The following MDGA2 variants were observed in gnomAD, a reference collection of about 807,000 sequenced individuals.
MDGA2 encodes MAM domain-containing glycosylphosphatidylinositol anchor protein 2.
MDGA2 carries 40 observed loss-of-function variants against 117.8 expected under a neutral mutation model. The observed-to-expected ratio is 0.34, with a 90% CI of 0.26 to 0.44. The LOEUF (loss-of-function observed/expected upper bound fraction) is 0.44, where lower values mean the gene tolerates loss of function less well. MDGA2 is among the 20% of genes least tolerant of loss of function. The pLI is 1.00. For synonymous variants in MDGA2, 452 were observed against 439.0 expected (o/e 1.03, Z -0.37); for missense variants, 1,123 against 1,250.6 (o/e 0.90, Z 1.54).
chr14:47,067,294 G>C (rs1424387312), intron 6 of MDGA2, among the ~76,000 whole-genome samples: 1 of 152,210 alleles, frequency 6.6e-6, no homozygotes, highest in Non-Finnish European at 1.5e-5. Context: ...CTGAGGACTA[G>C]CATCCCAGAG....
At chr14:47,473,018 G>T (rs1037759819) in intron 1 of MDGA2, among the ~76,000 whole-genome samples, 6 of 152,138 alleles carry the variant, frequency 3.9e-5, no homozygotes, top group African/African-American at 1.4e-4. Flanking sequence ...TTGGGGAAAT[G>T]CGAGTAGAAG....
intron 9 of MDGA2, among the ~76,000 whole-genome samples, chr14:46,947,267 T>G (rs576780925): frequency 1.3e-5 from 2 of 152,276 alleles, no homozygotes; most frequent in African/African-American, 4.8e-5. Flanking sequence ...TCTCTCTGCA[T>G]GTCAAGTTGC....
At chr14:47,113,378 T>C (rs1304903027) in intron 5 of MDGA2, among the ~76,000 whole-genome samples, 2 of 151,620 alleles carry the variant, frequency 1.3e-5, no homozygotes, top group African/African-American at 2.4e-5. Flanking sequence ...TTCCAAACGA[T>C]CAAAAAGGAG....
At chr14:47,628,847 G>A (rs1897201371) in intron 1 of MDGA2, among the ~76,000 whole-genome samples, 1 of 152,194 alleles carries the variant, frequency 6.6e-6, no homozygotes, top group Admixed American at 6.5e-5. Flanking sequence ...AAACTGCTGC[G>A]TTTGAGGACT....
At chr14:47,609,410 G>T (rs1896798675) in intron 1 of MDGA2, among the ~76,000 whole-genome samples, 1 of 67,716 alleles carries the variant, frequency 1.5e-5, no homozygotes, top group Non-Finnish European at 3.0e-5. Context: ...CCTTTTCTAT[G>T]GCTGAGTAGT....
intron 2 of MDGA2, among the ~76,000 whole-genome samples, chr14:47,237,649 T>G (rs1886908487): frequency 6.6e-6 from 1 of 152,122 alleles, no homozygotes; most frequent in Non-Finnish European, 1.5e-5. Flanking sequence ...AGTAGCAAAT[T>G]AAAACTCCAT....
intron 9 of MDGA2, among the ~76,000 whole-genome samples, chr14:46,930,055 G>T (rs1017889936): frequency 3.3e-5 from 5 of 151,628 alleles, no homozygotes; most frequent in Admixed American, 3.3e-4. Context: ...CATTCCAATT[G>T]TAAGTATTAA....
intron 9 of MDGA2, among the ~76,000 whole-genome samples, chr14:46,953,286 A>G (rs1885434843): frequency 6.6e-6 from 1 of 151,370 alleles, no homozygotes; most frequent in African/African-American, 2.4e-5. Context: ...TGCAATAAAA[A>G]ATCTATTATA....
chr14:47,391,297 T>G (rs1401082974), intron 1 of MDGA2, among the ~76,000 whole-genome samples: 1 of 152,194 alleles, frequency 6.6e-6, no homozygotes, highest in Non-Finnish European at 1.5e-5. Flanking sequence ...ACAAATCTGC[T>G]CCAGAATTTC....
intron 1 of MDGA2, among the ~76,000 whole-genome samples, chr14:47,583,507 A>T (rs967458690): frequency 6.6e-6 from 1 of 151,930 alleles, no homozygotes; most frequent in Non-Finnish European, 1.5e-5. Context: ...ATATATTTCA[A>T]ATACGTATGT....
intron 10 of MDGA2, among the ~76,000 whole-genome samples, chr14:46,914,746 G>A (rs1422892852): frequency 2.0e-5 from 3 of 152,014 alleles, no homozygotes; most frequent in Admixed American, 6.6e-5. Flanking sequence ...TTTGTTTTCA[G>A]ACTTCATCTC....
intron 5 of MDGA2, among the ~76,000 whole-genome samples, chr14:47,107,763 C>T (rs1332788760): frequency 6.6e-6 from 1 of 151,012 alleles, no homozygotes; most frequent in African/African-American, 2.5e-5. Context: ...GCCAGGACCA[C>T]ACCCTGTAGC....
At chr14:47,309,356 T>A (rs962585012) in intron 1 of MDGA2, among the ~76,000 whole-genome samples, 2 of 152,132 alleles carry the variant, frequency 1.3e-5, no homozygotes, top group African/African-American at 4.8e-5. Flanking sequence ...TCCTGTCCAC[T>A]AGAGATAAAT....
In MDGA2 at chr14:47,218,004, C is replaced by A; in HGVS notation, c.595+17G>T. On this transcript the variant is annotated intron_variant, in intron 3 of 16. Transcript: ENST00000399232. ...CCATAATAGGCTTAATTATAGTTTTCTGGAAAATTTACTTACAGTATACAT... is the reference window on the plus strand; with the variant it reads ...CCATAATAGGCTTAATTATAGTTTTATGGAAAATTTACTTACAGTATACAT... 6.7e-7 allele frequency: 1 copy of A among 1,496,782 alleles called. No homozygotes were observed. The highest frequency in any genetic ancestry group is 1.3e-5 in the South Asian group (1 of 75,746). 92.7% of individuals were successfully genotyped at this position (1,496,782 alleles called of 1,614,324 possible).
In MDGA2 at chr14:47,538,420, T is replaced by C. The variant is rs144747521; in HGVS notation, c.280+136097A>G. ...CAACTACCAGGTGATTCCCAGTAAA[T>C]TATAGTTCTGGAACAATAATGGGTA... On this transcript the variant is annotated intron_variant, in intron 1 of 16. Coordinates refer to ENST00000399232, the MANE Select transcript of MDGA2 (RefSeq NM_001113498.3). Among the ~76,000 whole-genome samples the C allele has an allele frequency of 2.8e-3, 423 of 152,304 alleles. 2 individuals carry two copies. Among genetic ancestry groups the C allele is most frequent in the African/African-American group, 9.6e-3 (401 of 41,562 alleles).
chr14:47,155,120 G>A (rs150784226), intron 3 of MDGA2, among the ~76,000 whole-genome samples: 5 of 152,236 alleles, frequency 3.3e-5, no homozygotes, highest in African/African-American at 1.2e-4. Flanking sequence ...CCTGAGGGCC[G>A]TACAGATGCT....
At position 47,142,468 on chromosome 14, in the gene MDGA2, CAA is replaced by C. The variant is rs1454978188; in HGVS notation, c.792+1608_792+1609del. Among the ~76,000 whole-genome samples the C allele has an allele frequency of 2.6e-5, 4 of 151,672 alleles. No individual in the cohort carries two copies. The East Asian group carries it at 7.7e-4, about 29-fold the overall frequency. On this transcript the variant is annotated intron_variant, in intron 4 of 16. Coordinates refer to ENST00000399232, the MANE Select transcript of MDGA2 (RefSeq NM_001113498.3). The stretch of plus-strand genomic sequence containing the variant: ...AAAAACAAACAAACAAACAAACAAA[CAA>C]ACAAACAAAAAGAAATAGCCATATA...
chr14:46,853,821 T>C (rs1407200209), intron 15 of MDGA2, among the ~76,000 whole-genome samples: 1 of 151,854 alleles, frequency 6.6e-6, no homozygotes, highest in Non-Finnish European at 1.5e-5. Context: ...AATATCAGTA[T>C]ATACATCTTA....
At chr14:47,141,759 G>C (rs1434519510) in intron 4 of MDGA2, among the ~76,000 whole-genome samples, 3 of 152,110 alleles carry the variant, frequency 2.0e-5, no homozygotes, top group Admixed American at 6.6e-5. Flanking sequence ...TTGGTTAATA[G>C]GTGCAAAGTT....
Sources: allele counts gnomAD v4.1 joint callset (sites outside exome capture counted in the v4.1 genomes callset), GRCh38; gene constraint gnomAD v4.1.1; transcripts MANE v1.5; gene names NCBI Gene and HGNC (gene_info 2026-07-23, HGNC 2026-07-21).